The following DLC1 variants were observed in gnomAD, a reference collection of about 807,000 sequenced individuals.
DLC1 encodes the protein rho GTPase-activating protein 7.
A neutral mutation model predicts 140.3 loss-of-function variants in DLC1; 54 were observed. That is an observed-to-expected ratio of 0.38 (90% CI 0.31 to 0.48). The LOEUF is 0.48. DLC1 is among the 20% of genes least tolerant of loss of function. The pLI is 0.96. For synonymous variants in DLC1, 986 were observed against 728.1 expected (o/e 1.35, Z -5.70); for missense variants, 2,536 against 1,907.0 (o/e 1.33, Z -6.14).
At chr8:13,106,141 T>G (rs138926500) in intron 7 of DLC1, among the ~76,000 whole-genome samples, 4 of 152,310 alleles carry the variant, frequency 2.6e-5, no homozygotes, top group African/African-American at 9.6e-5. Context: ...CTTCTCTGCA[T>G]GGAGCTGCAG....
At chr8:13,484,859 T>C (rs1254527979) in intron 2 of DLC1, among the ~76,000 whole-genome samples, 1 of 151,754 alleles carries the variant, frequency 6.6e-6, no homozygotes, top group Non-Finnish European at 1.5e-5. Flanking sequence ...GGATGTGCGC[T>C]ATGACCAGCA....
chr8:13,409,689 A>T (rs891654337), intron 2 of DLC1, among the ~76,000 whole-genome samples: 3 of 152,188 alleles, frequency 2.0e-5, no homozygotes, highest in Admixed American at 2.0e-4. Flanking sequence ...CTTCAAGAGC[A>T]ATGTGACTCC....
intron 5 of DLC1, among the ~76,000 whole-genome samples, chr8:13,189,879 T>G (rs1224305340): frequency 4.3e-5 from 4 of 93,426 alleles, no homozygotes. Flanking sequence ...CGAAACTCCA[T>G]CCCAGAAAAA....
chr8:13,085,586 T>A lies in DLC1; in HGVS notation c.*225A>T, dbSNP rs1817485011. Reference sequence around the variant, plus strand: ...TAAGAATACACATAAATTTTTTTTTTTTTTTTGCACAGTCTTACATATTCC... The same window carrying A: ...TAAGAATACACATAAATTTTTTTTTATTTTTTGCACAGTCTTACATATTCC... On this transcript the variant is annotated 3_prime_UTR_variant, in exon 18 of 18. Transcript: ENST00000276297. The A allele has an allele frequency of 2.3e-6, 1 of 433,784 alleles. No individual in the cohort carries two copies. Among genetic ancestry groups the A allele is most frequent in the Non-Finnish European group, 3.7e-6 (1 of 268,448 alleles). The allele number at this position is 433,784 out of a possible 1,614,324, so 26.9% of individuals were successfully genotyped here. A position where few individuals can be genotyped will look rare whatever the true frequency, so the allele number is the denominator to read the frequency against.
chr8:13,234,341 G>C (rs1320517536), intron 5 of DLC1, among the ~76,000 whole-genome samples: 1 of 152,044 alleles, frequency 6.6e-6, no homozygotes, highest in African/African-American at 2.4e-5. Flanking sequence ...ACTAGATACT[G>C]GTTCCTCATC....
intron 2 of DLC1, 118 bp from the exon 3 acceptor site, chr8:13,401,737 G>C: frequency 7.6e-7 from 1 of 1,318,508 alleles, no homozygotes; most frequent in Non-Finnish European, 1.0e-6. Flanking sequence ...TCTTTAATTA[G>C]AAGAGAAGTT....
intron 3 of DLC1, among the ~76,000 whole-genome samples, chr8:13,395,321 C>G (rs560376032): frequency 1.3e-5 from 2 of 152,184 alleles, no homozygotes; most frequent in East Asian, 2.0e-4. Context: ...CGGGGTTTCA[C>G]TATGTTGGCC....
intron 5 of DLC1, among the ~76,000 whole-genome samples, chr8:13,261,613 C>T (rs537840857): frequency 1.1e-4 from 17 of 152,082 alleles, no homozygotes; most frequent in African/African-American, 2.4e-4. Context: ...GCGAGGCAAC[C>T]GTGTCTTGGC....
upstream of DLC1, among the ~76,000 whole-genome samples, chr8:13,516,718 C>G (rs1057187456): frequency 4.6e-5 from 7 of 152,142 alleles, no homozygotes; most frequent in African/African-American, 1.7e-4. Flanking sequence ...AGAAAGAAGT[C>G]TGTTCTTCCA....
chr8:13,384,039 A>G (rs960390212), intron 4 of DLC1, among the ~76,000 whole-genome samples: 1 of 152,210 alleles, frequency 6.6e-6, no homozygotes, highest in South Asian at 2.1e-4. Flanking sequence ...GTGTGCATGT[A>G]TCAGGAATTC....
At chr8:13,422,805 A>C (rs1375017845) in intron 2 of DLC1, among the ~76,000 whole-genome samples, 2 of 152,284 alleles carry the variant, frequency 1.3e-5, no homozygotes, top group East Asian at 1.9e-4. Flanking sequence ...AGCTAAAAAA[A>C]AAAAGGAATG....
intron 5 of DLC1, among the ~76,000 whole-genome samples, chr8:13,150,799 G>C (rs1585777163): frequency 6.6e-6 from 1 of 152,210 alleles, no homozygotes; most frequent in Admixed American, 6.5e-5. Flanking sequence ...TTCTCAAGAT[G>C]CTTTCTACAA....
At chr8:13,306,716 G>T (rs988163116) in intron 4 of DLC1, among the ~76,000 whole-genome samples, 2 of 152,038 alleles carry the variant, frequency 1.3e-5, no homozygotes, top group African/African-American at 4.8e-5. Flanking sequence ...TTACTGCTGA[G>T]ATCTTCACCT....
At chr8:13,265,732 CCCCTT>C (rs1040365666) in intron 5 of DLC1, among the ~76,000 whole-genome samples, 2 of 151,522 alleles carry the variant, frequency 1.3e-5, no homozygotes, top group African/African-American at 4.9e-5. Context: ...CTCCTCCCCT[CCCCTT>C]CCCTCCTTTC....
intron 5 of DLC1, among the ~76,000 whole-genome samples, chr8:13,235,411 C>G (rs1186534219): frequency 2.0e-5 from 3 of 152,020 alleles, no homozygotes; most frequent in Admixed American, 1.3e-4. Flanking sequence ...CTCCTCAAAG[C>G]TTATGGCCAG....
chr8:13,404,183 T>C (rs1197213606), intron 2 of DLC1, among the ~76,000 whole-genome samples: 1 of 152,136 alleles, frequency 6.6e-6, no homozygotes, highest in Non-Finnish European at 1.5e-5. Context: ...TTGGGGAGCA[T>C]ATTTCTTAGG....
At chr8:13,405,961 CTTTCTTTCTTTCA>C in intron 2 of DLC1, among the ~76,000 whole-genome samples, 1 of 89,576 alleles carries the variant, frequency 1.1e-5, no homozygotes, top group African/African-American at 4.3e-5. Flanking sequence ...TTCTTTCTTT[CTTTCTTTCTTTCA>C]TCTCTCTCTC....
intron 1 of DLC1, among the ~76,000 whole-genome samples, chr8:13,541,207 G>C (rs965647409): frequency 6.6e-6 from 1 of 152,242 alleles, no homozygotes; most frequent in East Asian, 1.9e-4. Flanking sequence ...ACAGGTTGGC[G>C]GGCATTTTGA....
intron 2 of DLC1, among the ~76,000 whole-genome samples, chr8:13,481,376 A>G (rs537863663): frequency 2.5e-4 from 38 of 152,328 alleles, no homozygotes; most frequent in African/African-American, 9.1e-4. Flanking sequence ...GCAGTGAGCC[A>G]TGATTGTGCC....
Sources: allele counts gnomAD v4.1 joint callset (sites outside exome capture counted in the v4.1 genomes callset), GRCh38; gene constraint gnomAD v4.1.1; transcripts MANE v1.5; gene names NCBI Gene and HGNC (gene_info 2026-07-23, HGNC 2026-07-21).